RPTOR: variants seen among roughly 807,000 people sequenced by gnomAD.
The protein encoded by RPTOR is regulatory associated protein of MTOR complex 1, also known as regulatory-associated protein of mTOR.
RPTOR carries 21 observed loss-of-function variants against 169.9 expected under a neutral mutation model. The ratio of observed to expected loss-of-function variants is 0.12; its 90% CI spans 0.09 to 0.18. The LOEUF (loss-of-function observed/expected upper bound fraction) is 0.18, where lower values mean the gene tolerates loss of function less well. Among genes scored for constraint, RPTOR ranks in the 10% least tolerant of loss-of-function variants. The pLI is 1.00. For synonymous variants in RPTOR, 732 were observed against 753.2 expected (o/e 0.97, Z 0.46); for missense variants, 1,133 against 1,855.9 (o/e 0.61, Z 7.16).
rs1352678017 is a variant in RPTOR at position 80,823,342 on chromosome 17, A to G, written c.1136+119A>G. 3.8e-5 allele frequency: 48 copies of G among 1,279,100 alleles called. No individual in the cohort carries two copies. The highest frequency in any genetic ancestry group is 5.1e-5 in the Non-Finnish European group (47 of 929,570). 79.2% of individuals were successfully genotyped at this position (1,279,100 alleles called of 1,614,324 possible). On this transcript the variant is annotated intron_variant, in intron 9 of 33. Coordinates refer to ENST00000306801, the MANE Select transcript of RPTOR (RefSeq NM_020761.3). This position sits in a 1 kb window ranked among gnomAD's most constrained non-coding sequence, Gnocchi z 4.5. ...CACACCTAACTTGGGGACCCCGTGT[A>G]GCATTAACAAGTGAAGCTAAATGCA...
At position 80,803,792 on chromosome 17, in the gene RPTOR, C is replaced by T. The variant is rs1022183228; in HGVS notation, c.890+12283C>T. 1 of 152,268 alleles carries T rather than the reference C, an allele frequency of 6.6e-6. No individual in the cohort carries two copies. The highest frequency in any genetic ancestry group is 6.5e-5 in the Admixed American group (1 of 15,282). 9.4% of individuals were successfully genotyped at this position (152,268 alleles called of 1,614,324 possible). On this transcript the variant is annotated intron_variant, in intron 7 of 33. Coordinates refer to ENST00000306801, the MANE Select transcript of RPTOR (RefSeq NM_020761.3). The surrounding 1 kb of genome is among the most constrained non-coding windows in gnomAD (Gnocchi z 6.2). ...AGGAGTGTGAATGTACCAGGAGAGCCATGTGATCGCACACAAGAGTGCCTG... is the reference window on the plus strand; with the variant it reads ...AGGAGTGTGAATGTACCAGGAGAGCTATGTGATCGCACACAAGAGTGCCTG...
chr17:80,753,204 G>A (rs1728183992), intron 5 of RPTOR, among the ~76,000 whole-genome samples: 1 of 152,202 alleles, frequency 6.6e-6, no homozygotes, highest in Admixed American at 6.5e-5. Flanking sequence ...AGTCTCTTTT[G>A]ATGGGTCGCT....
intron 15 of RPTOR, 61 bp downstream of exon 15, chr17:80,883,545 C>T: frequency 6.5e-7 from 1 of 1,543,312 alleles, no homozygotes; most frequent in Non-Finnish European, 8.9e-7. Flanking sequence ...AGGAGCTGGG[C>T]CCACTGTGAA....
At chr17:80,898,952 G>A (rs749772832) in intron 20 of RPTOR, among the ~76,000 whole-genome samples, 1 of 151,980 alleles carries the variant, frequency 6.6e-6, no homozygotes, top group Non-Finnish European at 1.5e-5. Context: ...CAACCCTGTG[G>A]GTGTGCTCCC....
chr17:80,881,877 CTA>C (rs1298812431), intron 14 of RPTOR, among the ~76,000 whole-genome samples: 3 of 152,202 alleles, frequency 2.0e-5, no homozygotes, highest in African/African-American at 4.8e-5. Context: ...AAAGAATTTG[CTA>C]TGATTCTGTC....
chr17:80,623,692 C>T (rs1027635253), intron 1 of RPTOR, among the ~76,000 whole-genome samples: 8 of 152,030 alleles, frequency 5.3e-5, no homozygotes, highest in African/African-American at 1.9e-4. Context: ...CACACCACCA[C>T]GCCTGGCTAA....
At position 80,708,007 on chromosome 17, in the gene RPTOR, T is replaced by C; in HGVS notation, c.507+8T>C. 6.2e-7 allele frequency: 1 copy of C among 1,609,546 alleles called. No homozygotes were observed. The highest frequency in any genetic ancestry group is 2.2e-5 in the East Asian group (1 of 44,808). On this transcript the variant is annotated splice_region_variant and intron_variant, in intron 4 of 33. Coordinates refer to ENST00000306801, the MANE Select transcript of RPTOR (RefSeq NM_020761.3). The surrounding 1 kb of genome is among the most constrained non-coding windows in gnomAD (Gnocchi z 4.2). ...GTCTGGGTCTTCAACAAGGTGGGTG[T>C]GCCTTCCAGCTTCCTTCCCGTTTCT...
chr17:80,961,642 T>A, intron 31 of RPTOR, 162 bp downstream of exon 31: 1 of 834,682 alleles, frequency 1.2e-6, no homozygotes, highest in Non-Finnish European at 1.8e-6. Flanking sequence ...GCGCAGCCCG[T>A]AGGGGCCCAG....
chr17:80,829,053 T>C (rs1163759460), intron 9 of RPTOR, among the ~76,000 whole-genome samples: 2 of 152,254 alleles, frequency 1.3e-5, no homozygotes, highest in Non-Finnish European at 2.9e-5. Flanking sequence ...ATTGGAGTGA[T>C]GGTTCTCCAT....
rs1361469868 is a variant in RPTOR at position 80,959,839 on chromosome 17, C to T, written c.3478-239C>T. ...AGGCGCCTCAGGGCCTCAGGGCTGTCCCTCCAGGGCCAAGGGATAAGGGCG... is the reference window on the plus strand; with the variant it reads ...AGGCGCCTCAGGGCCTCAGGGCTGTTCCTCCAGGGCCAAGGGATAAGGGCG... On this transcript the variant is annotated intron_variant, in intron 29 of 33. Coordinates refer to ENST00000306801, the MANE Select transcript of RPTOR (RefSeq NM_020761.3). This position sits in a 1 kb window ranked among gnomAD's most constrained non-coding sequence, Gnocchi z 6.7. Among the ~76,000 whole-genome samples the T allele has an allele frequency of 2.6e-5, 4 of 152,198 alleles. No individual in the cohort carries two copies. Among genetic ancestry groups the T allele is most frequent in the African/African-American group, 4.8e-5 (2 of 41,464 alleles).
At position 80,923,347 on chromosome 17, in the gene RPTOR, G is replaced by A. The variant is rs983264053; in HGVS notation, c.2625-143G>A. 11 of 868,606 alleles carry A rather than the reference G, an allele frequency of 1.3e-5. No homozygotes were observed. The African/African-American group carries it at 1.8e-4, about 14-fold the overall frequency. The allele number at this position is 868,606 out of a possible 1,614,324, so 53.8% of individuals were successfully genotyped here. ...CCAGCAGCTGGGGTTCGGGAGCCAT[G>A]ATGGCATGCTGGGTGACTGAGGACA... On this transcript the variant is annotated intron_variant, in intron 22 of 33. Coordinates refer to ENST00000306801, the MANE Select transcript of RPTOR (RefSeq NM_020761.3).
At position 80,721,859 on chromosome 17, in the gene RPTOR, A is replaced by G. The variant is rs1006521252; in HGVS notation, c.508-8701A>G. 2.1e-5 allele frequency among the ~76,000 whole-genome samples: 3 copies of G among 143,790 alleles called. No homozygotes were observed. The highest frequency in any genetic ancestry group is 7.7e-5 in the African/African-American group (3 of 39,036). The allele number at this position is 143,790 out of a possible 152,430, so 94.3% of individuals were successfully genotyped here. On this transcript the variant is annotated intron_variant, in intron 4 of 33. Transcript: ENST00000306801. This position sits in a 1 kb window ranked among gnomAD's most constrained non-coding sequence, Gnocchi z 4.7. ...AAGAACAAGTCTTCATTATTATCCA[A>G]TTTGGTATATATATATATATTTCAG...
chr17:80,645,787 A>G (rs142307122), intron 3 of RPTOR, among the ~76,000 whole-genome samples: 50 of 152,326 alleles, frequency 3.3e-4, no homozygotes, highest in African/African-American at 9.6e-4. Context: ...GATGACAGCC[A>G]GAAAGATGAC....
intron 1 of RPTOR, among the ~76,000 whole-genome samples, chr17:80,570,861 T>TA (rs1363508313): frequency 1.3e-5 from 2 of 152,348 alleles, no homozygotes; most frequent in East Asian, 3.9e-4. Context: ...CTTTCCAACT[T>TA]ACACACAGCA....
rs1424758002 is a variant in RPTOR, at chr17:80,877,050, G to A, written c.1510-3365G>A. Among the ~76,000 whole-genome samples, 4 of 140,424 alleles carry A rather than the reference G, an allele frequency of 2.8e-5. No individual in the cohort carries two copies. The East Asian group carries it at 8.7e-4, about 31-fold the overall frequency. 92.1% of individuals were successfully genotyped at this position (140,424 alleles called of 152,430 possible). ...CCACCGAGCCCGTGCCGCCCAGGAT[G>A]TGTGTGTGTCGCCTGCTGGGTCTTC... On this transcript the variant is annotated intron_variant, in intron 13 of 33. Coordinates refer to ENST00000306801, the MANE Select transcript of RPTOR (RefSeq NM_020761.3).
At chr17:80,852,199 T>C (rs2067800503) in intron 11 of RPTOR, among the ~76,000 whole-genome samples, 1 of 152,204 alleles carries the variant, frequency 6.6e-6, no homozygotes, top group Non-Finnish European at 1.5e-5. Context: ...TCTGCCTCAT[T>C]GAACTTTGAG....
chr17:80,712,832 T>C (rs1289095575), intron 4 of RPTOR, among the ~76,000 whole-genome samples: 1 of 152,228 alleles, frequency 6.6e-6, no homozygotes, highest in Non-Finnish European at 1.5e-5. Flanking sequence ...CAGCATTTGA[T>C]GTTATCAGTG....
intron 6 of RPTOR, among the ~76,000 whole-genome samples, chr17:80,784,406 T>A (rs2066970766): frequency 6.6e-6 from 1 of 152,182 alleles, no homozygotes; most frequent in Admixed American, 6.5e-5. Context: ...CTTTTCTTTT[T>A]TTGAGATGGA....
intron 33 of RPTOR, among the ~76,000 whole-genome samples, chr17:80,964,019 G>C (rs1224496208): frequency 3.3e-5 from 5 of 152,190 alleles, no homozygotes; most frequent in Non-Finnish European, 7.3e-5. Context: ...TGCCCCGTGG[G>C]GCAGTCCTGA....
Sources: allele counts gnomAD v4.1 joint callset (sites outside exome capture counted in the v4.1 genomes callset), GRCh38; gene constraint gnomAD v4.1.1; non-coding constraint Gnocchi (gnomAD v3.1); transcripts MANE v1.5; gene names NCBI Gene and HGNC (gene_info 2026-07-23, HGNC 2026-07-21).